CARMIL1: variants seen among roughly 807,000 people sequenced by gnomAD.
CARMIL1 encodes the protein F-actin-uncapping protein LRRC16A.
Under a neutral mutation model 177.1 loss-of-function variants are expected in CARMIL1, and 90 were observed. That is an observed-to-expected ratio of 0.51 (90% CI 0.43 to 0.61). The LOEUF (loss-of-function observed/expected upper bound fraction) is 0.61, where lower values mean the gene tolerates loss of function less well. Ranked by LOEUF, CARMIL1 falls within the 20% of genes least tolerant of loss-of-function variation. CARMIL1 has a pLI of 0.00. For synonymous variants in CARMIL1, 577 were observed against 606.2 expected (o/e 0.95, Z 0.71); for missense variants, 1,380 against 1,667.0 (o/e 0.83, Z 3.00).
At chr6:25,399,258 G>A (rs9467493) in intron 2 of CARMIL1, among the ~76,000 whole-genome samples, 67,412 of 152,018 alleles carry the variant, frequency 0.44, 15,240 homozygotes, top group Middle Eastern at 0.57. Context: ...TATGACAGTC[G>A]TTCCAAGTGT....
At chr6:25,488,424 C>A in intron 12 of CARMIL1, 58 bp from the exon 13 acceptor site, 1 of 1,268,670 alleles carries the variant, frequency 7.9e-7, no homozygotes, top group Non-Finnish European at 1.2e-6. Context: ...TATAGAAACA[C>A]AAACCTCATT....
chr6:25,323,625 G>C (rs1784853032), intron 2 of CARMIL1, among the ~76,000 whole-genome samples: 1 of 152,080 alleles, frequency 6.6e-6, no homozygotes, highest in Non-Finnish European at 1.5e-5. Flanking sequence ...TGTCCTTAAA[G>C]AATTTATAAA....
chr6:25,416,556 T>G (rs1795374809), intron 2 of CARMIL1, among the ~76,000 whole-genome samples: 1 of 152,206 alleles, frequency 6.6e-6, no homozygotes, highest in Non-Finnish European at 1.5e-5. Flanking sequence ...TATTACTATG[T>G]TTGTGAAAGG....
intron 2 of CARMIL1, among the ~76,000 whole-genome samples, chr6:25,374,383 A>G (rs1302177617): frequency 1.3e-5 from 2 of 152,202 alleles, no homozygotes; most frequent in Non-Finnish European, 2.9e-5. Context: ...CTGTGGTCTG[A>G]GAAGATACTT....
intron 3 of CARMIL1, among the ~76,000 whole-genome samples, chr6:25,421,780 A>T (rs1204854405): frequency 2.7e-4 from 40 of 149,618 alleles, no homozygotes; most frequent in Non-Finnish European, 4.1e-4. Context: ...ACAAAAAACC[A>T]AACACCGCAT....
intron 2 of CARMIL1, among the ~76,000 whole-genome samples, chr6:25,351,130 T>G (rs1263449536): frequency 6.6e-5 from 10 of 152,186 alleles, no homozygotes. Context: ...GCTAGTCACA[T>G]ATGGCCACCG....
chr6:25,280,952 T>C (rs1355134214), intron 1 of CARMIL1, among the ~76,000 whole-genome samples: 3 of 152,006 alleles, frequency 2.0e-5, no homozygotes, highest in African/African-American at 4.8e-5. Context: ...AATAATACTT[T>C]GGAGGAATTT....
intron 9 of CARMIL1, among the ~76,000 whole-genome samples, chr6:25,467,835 G>C (rs2150929066): frequency 6.6e-6 from 1 of 152,176 alleles, no homozygotes; most frequent in African/African-American, 2.4e-5. Flanking sequence ...TGATCTTTGT[G>C]GATATTACTC....
At chr6:25,417,247 G>A (rs1432010149) in intron 2 of CARMIL1, among the ~76,000 whole-genome samples, 4 of 152,118 alleles carry the variant, frequency 2.6e-5, no homozygotes, top group African/African-American at 7.2e-5. Context: ...GCAAATGGCA[G>A]TGCAAGCCAA....
chr6:25,374,482 A>T (rs908702443), intron 2 of CARMIL1, among the ~76,000 whole-genome samples: 4 of 152,218 alleles, frequency 2.6e-5, no homozygotes, highest in Non-Finnish European at 5.9e-5. Context: ...TGTTCTGATG[A>T]GAAGAACGTA....
At chr6:25,358,153 A>C (rs1294452511) in intron 2 of CARMIL1, among the ~76,000 whole-genome samples, 1 of 152,234 alleles carries the variant, frequency 6.6e-6, no homozygotes, top group Non-Finnish European at 1.5e-5. Context: ...TCTGAGCAAA[A>C]TTGTGAGCAG....
intron 20 of CARMIL1, among the ~76,000 whole-genome samples, chr6:25,514,649 T>C (rs1474656494): frequency 6.6e-6 from 1 of 151,380 alleles, no homozygotes. Flanking sequence ...AGGCTGAGTG[T>C]GGTGGCTCAT....
intron 2 of CARMIL1, among the ~76,000 whole-genome samples, chr6:25,316,372 A>G (rs1266402034): frequency 6.6e-6 from 1 of 150,966 alleles, no homozygotes; most frequent in Non-Finnish European, 1.5e-5. Flanking sequence ...CAGGGTCTCA[A>G]TTTTGAATTG....
rs575755075 is a variant in CARMIL1, at chr6:25,369,622, C to G, written c.139-50492C>G. On this transcript the variant is annotated intron_variant, in intron 2 of 36. Coordinates refer to ENST00000329474, the MANE Select transcript of CARMIL1 (RefSeq NM_017640.6). ...CCAAGTAAACTGCTGACTTTCCTCC[C>G]CTGCAGGAAGGCTGGGCCTTTGGTT... 4.6e-5 allele frequency among the ~76,000 whole-genome samples: 7 copies of G among 152,222 alleles called. No homozygotes were observed. The South Asian group carries it at 1.5e-3, about 32-fold the overall frequency.
At chr6:25,449,431 A>C (rs1265202939) in intron 5 of CARMIL1, among the ~76,000 whole-genome samples, 3 of 152,196 alleles carry the variant, frequency 2.0e-5, no homozygotes, top group African/African-American at 4.8e-5. Flanking sequence ...CCCCAGAAGA[A>C]TCATGGCCCA....
intron 4 of CARMIL1, 67 bp from the exon 5 acceptor site, chr6:25,435,416 A>G: frequency 6.7e-7 from 1 of 1,498,556 alleles, no homozygotes; most frequent in Non-Finnish European, 8.9e-7. Flanking sequence ...AGTTTACAAT[A>G]TTTAAAATAA....
chr6:25,586,424 T>A (rs1314667546), intron 31 of CARMIL1, among the ~76,000 whole-genome samples: 1 of 145,498 alleles, frequency 6.9e-6, no homozygotes, highest in African/African-American at 2.7e-5. Context: ...GCTCCTCACT[T>A]CCCAGACAGG....
At chr6:25,478,523 A>G (rs1023736121) in intron 11 of CARMIL1, among the ~76,000 whole-genome samples, 21 of 152,218 alleles carry the variant, frequency 1.4e-4, no homozygotes, top group Non-Finnish European at 1.8e-4. Flanking sequence ...TTGGCTGGGC[A>G]CGGTGGCTCA....
At chr6:25,313,683 G>GCATATATATATGTATATATGTGTGTA in intron 2 of CARMIL1, among the ~76,000 whole-genome samples, 2 of 133,768 alleles carry the variant, frequency 1.5e-5, no homozygotes, top group African/African-American at 6.5e-5. Context: ...AGGGAAGGCT[G>GCATATATATATGTATATATGTGTGTA]TATATATACA....
Sources: allele counts gnomAD v4.1 joint callset (sites outside exome capture counted in the v4.1 genomes callset), GRCh38; gene constraint gnomAD v4.1.1; transcripts MANE v1.5; gene names NCBI Gene and HGNC (gene_info 2026-07-23, HGNC 2026-07-21).